Variants in LDB2 observed in about 807,000 individuals in gnomAD.
LDB2 encodes LIM domain-binding protein 2.
A neutral mutation model predicts 44.3 loss-of-function variants in LDB2; 12 were observed. The ratio of observed to expected loss-of-function variants is 0.27; its 90% confidence interval spans 0.17 to 0.44. The LOEUF is 0.44. Among genes scored for constraint, LDB2 ranks in the 20% least tolerant of loss-of-function variants. LDB2 has a pLI of 1.00. For synonymous variants in LDB2, 164 were observed against 174.8 expected, an observed-to-expected ratio of 0.94 and a Z score of 0.49; for missense variants, 344 against 473.5, an observed-to-expected ratio of 0.73 and a Z score of 2.54.
chr4:16,687,967 T>C (rs1186668073), intron 2 of LDB2, among the ~76,000 whole-genome samples: 1 of 152,220 alleles, frequency 6.6e-6, no homozygotes, highest in Admixed American at 6.5e-5. Flanking sequence ...ATCCCACTTG[T>C]TCAGCACCTA....
At chr4:16,854,023 T>C (rs1297955952) in intron 1 of LDB2, among the ~76,000 whole-genome samples, 1 of 152,078 alleles carries the variant, frequency 6.6e-6, no homozygotes, top group Non-Finnish European at 1.5e-5. Flanking sequence ...TTGAAGAATG[T>C]AAAATAACAG....
At chr4:16,736,472 C>T (rs775267313) in intron 2 of LDB2, among the ~76,000 whole-genome samples, 103 of 152,278 alleles carry the variant, frequency 6.8e-4, no homozygotes, top group African/African-American at 1.5e-3. Context: ...TGTAACATTT[C>T]GGGAGCACTT....
rs761223089 is a variant in LDB2, at chr4:16,502,890, A to T, written c.892-17T>A. The T allele has an allele frequency of 8.7e-6, 14 of 1,612,248 alleles. No individual in the cohort carries two copies. Among genetic ancestry groups the T allele is most frequent in the South Asian group, 4.4e-5 (4 of 91,064 alleles). ...CATCACATCCTGTGAACAGCAGCTG[A>T]CATTATTACAGGGAAACCTTGGGAG... On this transcript the variant is annotated splice_polypyrimidine_tract_variant and intron_variant, in intron 7 of 7. Coordinates refer to ENST00000304523, the MANE Select transcript of LDB2 (RefSeq NM_001290.5).
intron 1 of LDB2, among the ~76,000 whole-genome samples, chr4:16,862,510 G>A (rs994254878): frequency 2.0e-5 from 3 of 151,710 alleles, no homozygotes; most frequent in African/African-American, 7.3e-5. Context: ...GTGGATACCT[G>A]TAATCCTAGC....
At chr4:16,672,987 T>G in intron 2 of LDB2, among the ~76,000 whole-genome samples, 1 of 151,954 alleles carries the variant, frequency 6.6e-6, no homozygotes, top group Admixed American at 6.6e-5. Context: ...CTTTCCTTCT[T>G]TCCCTTCCTT....
At chr4:16,665,339 C>G (rs1742776177) in intron 2 of LDB2, among the ~76,000 whole-genome samples, 1 of 144,002 alleles carries the variant, frequency 6.9e-6, no homozygotes, top group Admixed American at 7.3e-5. Flanking sequence ...GATCTTGGCT[C>G]ATGGCAACCT....
intron 2 of LDB2, among the ~76,000 whole-genome samples, chr4:16,705,013 T>C (rs546666173): frequency 7.2e-5 from 11 of 152,346 alleles, no homozygotes; most frequent in African/African-American, 2.4e-4. Context: ...AAATTTCACC[T>C]GCCTTCACTA....
rs1348388118 is a variant in LDB2, at chr4:16,591,615, G to T, written c.409-2783C>A. 3.9e-5 allele frequency among the ~76,000 whole-genome samples: 6 copies of T among 152,232 alleles called. No individual in the cohort carries two copies. In the East Asian group the frequency reaches 7.7e-4, roughly 20 times the overall value. On this transcript the variant is annotated intron_variant, in intron 3 of 7. Transcript: ENST00000304523. ...CAAGTAATTACACCCACAGCTTCCAGGCCCTAGACAGCCACTCCACACCCT... is the reference window on the plus strand; with the variant it reads ...CAAGTAATTACACCCACAGCTTCCATGCCCTAGACAGCCACTCCACACCCT...
intron 1 of LDB2, among the ~76,000 whole-genome samples, chr4:16,877,676 G>A (rs1401558282): frequency 6.6e-6 from 1 of 152,162 alleles, no homozygotes; most frequent in Non-Finnish European, 1.5e-5. Context: ...AACAGGGTGT[G>A]TACAAGAAAC....
At position 16,693,583 on chromosome 4, in the gene LDB2, C is replaced by T. The variant is rs529327070; in HGVS notation, c.235+65575G>A. On this transcript the variant is annotated intron_variant, in intron 2 of 7. Transcript: ENST00000304523. ...GTTGGGCCAGGCTGGTCTTGAACTC[C>T]TGACCTCGTGATCCCGGCCTTGTTT... Among the ~76,000 whole-genome samples, 19 of 152,244 alleles carry T rather than the reference C, an allele frequency of 1.2e-4. No homozygotes were observed. The South Asian group carries it at 3.7e-3, about 30-fold the overall frequency.
rs190811203 is a variant in LDB2 at position 16,619,341 on chromosome 4, T to C, written c.236-23466A>G. ...CATCCCACCAGGTGAGAACCTCCCCTAGTGGTCCTTCTGCTGAGAGGATAA... is the reference window on the plus strand; with the variant it reads ...CATCCCACCAGGTGAGAACCTCCCCCAGTGGTCCTTCTGCTGAGAGGATAA... On this transcript the variant is annotated intron_variant, in intron 2 of 7. Coordinates refer to ENST00000304523, the MANE Select transcript of LDB2 (RefSeq NM_001290.5). 1.9e-3 allele frequency among the ~76,000 whole-genome samples: 294 copies of C among 152,294 alleles called. 2 individuals are homozygous for C. Among genetic ancestry groups the C allele is most frequent in the African/African-American group, 6.6e-3 (275 of 41,562 alleles).
intron 3 of LDB2, among the ~76,000 whole-genome samples, chr4:16,593,399 T>G (rs1719783226): frequency 6.6e-6 from 1 of 152,126 alleles, no homozygotes; most frequent in South Asian, 2.1e-4. Flanking sequence ...AAATGAGTTA[T>G]TTTTAATTAA....
At chr4:16,701,994 C>T (rs563592228) in intron 2 of LDB2, among the ~76,000 whole-genome samples, 96 of 152,320 alleles carry the variant, frequency 6.3e-4, no homozygotes, top group African/African-American at 2.3e-3. Context: ...ATTATTGCCA[C>T]TGCTTTTTCT....
chr4:16,871,579 A>G (rs1027173605), intron 1 of LDB2, among the ~76,000 whole-genome samples: 1 of 151,980 alleles, frequency 6.6e-6, no homozygotes, highest in Admixed American at 6.6e-5. Context: ...TCATTAATGT[A>G]AAAGAAAATA....
intron 2 of LDB2, among the ~76,000 whole-genome samples, chr4:16,734,160 C>T (rs1561034278): frequency 1.3e-5 from 2 of 152,168 alleles, no homozygotes; most frequent in Admixed American, 1.3e-4. Context: ...ACCTAGTTTG[C>T]AGCACATAGC....
intron 2 of LDB2, among the ~76,000 whole-genome samples, chr4:16,648,987 T>C (rs1345327610): frequency 4.6e-5 from 7 of 152,202 alleles, no homozygotes; most frequent in Non-Finnish European, 1.0e-4. Flanking sequence ...AGTCAGAAAT[T>C]ATAGACAGTC....
At chr4:16,772,569 A>T (rs1579523948) in intron 1 of LDB2, among the ~76,000 whole-genome samples, 1 of 152,330 alleles carries the variant, frequency 6.6e-6, no homozygotes, top group Non-Finnish European at 1.5e-5. Context: ...TAATGTTTTA[A>T]ATAAATATAT....
Position 16,821,026 on chromosome 4 carries a change from G to A in LDB2, c.133-61766C>T, listed in dbSNP as rs183664788. On this transcript the variant is annotated intron_variant, in intron 1 of 7. Transcript: ENST00000304523. ...TATTATGAGTTGATAATTTTTAAAT[G>A]GATTGACCACTCATCAATTGCTTTA... 2.6e-5 allele frequency among the ~76,000 whole-genome samples: 4 copies of A among 152,152 alleles called. No individual in the cohort carries two copies. In the East Asian group the frequency reaches 7.7e-4, roughly 29 times the overall value.
chr4:16,523,256 T>A (rs1470393362), intron 5 of LDB2, among the ~76,000 whole-genome samples: 2 of 152,200 alleles, frequency 1.3e-5, no homozygotes, highest in Admixed American at 6.5e-5. Context: ...CCATTTTTTT[T>A]AACCTATATG....
Sources: allele counts gnomAD v4.1 joint callset (sites outside exome capture counted in the v4.1 genomes callset), GRCh38; gene constraint gnomAD v4.1.1; transcripts MANE v1.5; gene names NCBI Gene and HGNC (gene_info 2026-07-23, HGNC 2026-07-21).